FOXK1: variants seen among roughly 807,000 people sequenced by gnomAD.
The protein encoded by FOXK1 is forkhead box protein K1.
In FOXK1, 19 loss-of-function variants were observed where a neutral mutation model predicts 51.9. The observed-to-expected ratio is 0.37, with a 90% CI of 0.26 to 0.54. FOXK1 has a LOEUF of 0.54. Ranked by LOEUF, FOXK1 falls within the 20% of genes least tolerant of loss-of-function variation. FOXK1 has a pLI of 0.87. For missense variants in FOXK1, 870 were observed against 1,032.7 expected (o/e 0.84, Z 2.16); for synonymous variants, 537 against 482.6 (o/e 1.11, Z -1.48).
At chr7:4,697,984 C>G (rs1244376657) in intron 1 of FOXK1, among the ~76,000 whole-genome samples, 2 of 151,980 alleles carry the variant, frequency 1.3e-5, no homozygotes, top group East Asian at 3.9e-4. Flanking sequence ...GCCATCATGC[C>G]TGGCTAATTT....
At position 4,740,487 on chromosome 7, in the gene FOXK1, C is replaced by T. The variant is rs935385855; in HGVS notation, c.561-351C>T. ...TTAGCCGGGCGTGGTGGTGGGCGCT[C>T]GTAATCCCAGCTACTCAGGAGGCTG... is the stretch of plus-strand genomic sequence containing the variant. On this transcript the variant is annotated intron_variant, in intron 1 of 8. Coordinates refer to ENST00000328914, the MANE Select transcript of FOXK1 (RefSeq NM_001037165.2). 3.5e-5 allele frequency among the ~76,000 whole-genome samples: 5 copies of T among 143,678 alleles called. No individual in the cohort carries two copies. The East Asian group carries it at 8.3e-4, about 24-fold the overall frequency. 94.3% of individuals were successfully genotyped at this position (143,678 alleles called of 152,430 possible).
intron 1 of FOXK1, among the ~76,000 whole-genome samples, chr7:4,717,086 C>T (rs1032009193): frequency 1.3e-4 from 17 of 129,426 alleles, no homozygotes; most frequent in Non-Finnish European, 1.8e-4. Context: ...AATGTGGTGG[C>T]GGGAGGCACG....
intron 1 of FOXK1, among the ~76,000 whole-genome samples, chr7:4,708,874 G>C (rs28529269): frequency 0.1 from 15,909 of 152,134 alleles, 1,211 homozygotes; most frequent in African/African-American, 0.22. Context: ...AGACCATCCT[G>C]GTCAACATAG....
chr7:4,739,381 CAGGCTGCTGCTTTACATTGTTTT>C (rs1465626963), intron 1 of FOXK1, among the ~76,000 whole-genome samples: 8 of 152,266 alleles, frequency 5.3e-5, no homozygotes, highest in African/African-American at 1.7e-4. Flanking sequence ...TCTGTGTGGG[CAGGCTGCTGCTTTACATTGTTTT>C]TGTTTTTGTT....
Position 4,764,310 on chromosome 7 carries a change from C to A in FOXK1, c.*1846C>A, listed in dbSNP as rs1386266920. 1 of 154,374 alleles carries A rather than the reference C, an allele frequency of 6.5e-6. No individual in the cohort carries two copies. The highest frequency in any genetic ancestry group is 1.5e-5 in the Non-Finnish European group (1 of 68,226). 9.6% of individuals were successfully genotyped at this position (154,374 alleles called of 1,614,324 possible). A position where few individuals can be genotyped will look rare whatever the true frequency, so the allele number is the denominator to read the frequency against. On this transcript the variant is annotated 3_prime_UTR_variant, in exon 9 of 9. Transcript: ENST00000328914. ...CCCGTGTCCCGTTGTTTTTCTAAGC[C>A]CCCCGAATTGAGTCGTTTCTATGGC...
rs1453463567 is a variant in FOXK1 at position 4,756,579 on chromosome 7, A to C, written c.1051-415A>C. Among the ~76,000 whole-genome samples, 2 of 151,798 alleles carry C rather than the reference A, an allele frequency of 1.3e-5. No homozygotes were observed. Among genetic ancestry groups the C allele is most frequent in the Non-Finnish European group, 2.9e-5 (2 of 67,936 alleles). Reference sequence around the variant, plus strand: ...GGTGGAAGGATTGGTTAAGCCCAAGAGTGTGAGACCCCATCTCAACTAAAA... The same window carrying C: ...GGTGGAAGGATTGGTTAAGCCCAAGCGTGTGAGACCCCATCTCAACTAAAA... On this transcript the variant is annotated intron_variant, in intron 4 of 8. Transcript: ENST00000328914. The surrounding 1 kb of genome is among the most constrained non-coding windows in gnomAD (Gnocchi z 4.1).
intron 1 of FOXK1, among the ~76,000 whole-genome samples, chr7:4,698,795 C>T (rs1290503965): frequency 6.6e-6 from 1 of 152,178 alleles, no homozygotes; most frequent in Non-Finnish European, 1.5e-5. Context: ...CTCAGGTGAT[C>T]CTCCCACCTT....
rs1779776199 is a variant in FOXK1, at chr7:4,683,234, G to A, written c.560+366G>A. Among the ~76,000 whole-genome samples the A allele has an allele frequency of 6.7e-6, 1 of 150,012 alleles. No individual in the cohort carries two copies. The highest frequency in any genetic ancestry group is 2.1e-4 in the South Asian group (1 of 4,706). On this transcript the variant is annotated intron_variant, in intron 1 of 8. Transcript: ENST00000328914. This position sits in a 1 kb window ranked among gnomAD's most constrained non-coding sequence, Gnocchi z 4.5. ...TCATCTCCCACCGGCCTGGGCTCCT[G>A]GAGCCACCCATACCCCAAGCCCATC...
Position 4,731,391 on chromosome 7 carries a change from A to G in FOXK1, c.561-9447A>G, listed in dbSNP as rs971028951. Among the ~76,000 whole-genome samples the G allele has an allele frequency of 6.6e-6, 1 of 152,264 alleles. No individual in the cohort carries two copies. Among genetic ancestry groups the G allele is most frequent in the Admixed American group, 6.5e-5 (1 of 15,288 alleles). On this transcript the variant is annotated intron_variant, in intron 1 of 8. Transcript: ENST00000328914. The surrounding 1 kb of genome is among the most constrained non-coding windows in gnomAD (Gnocchi z 5.3). ...AATTCGAAAAGTACCTGGAGTATGT[A>G]ACAGCTTTTGCCTCCCATTCTTGAG...
At chr7:4,737,493 C>A (rs544110606) in intron 1 of FOXK1, among the ~76,000 whole-genome samples, 1 of 149,634 alleles carries the variant, frequency 6.7e-6, no homozygotes, top group Non-Finnish European at 1.5e-5. Context: ...TGGGCGTGTG[C>A]GTGGGTGTGT....
Position 4,735,019 on chromosome 7 carries a change from A to G in FOXK1, c.561-5819A>G, listed in dbSNP as rs1488978054. Among the ~76,000 whole-genome samples the G allele has an allele frequency of 1.3e-5, 2 of 152,142 alleles. No homozygotes were observed. The highest frequency in any genetic ancestry group is 2.9e-5 in the Non-Finnish European group (2 of 68,026). On this transcript the variant is annotated intron_variant, in intron 1 of 8. Transcript: ENST00000328914. This position sits in a 1 kb window ranked among gnomAD's most constrained non-coding sequence, Gnocchi z 4.7. Reference sequence around the variant, plus strand: ...ATTTATATTTATGTCATCGAGAATTAAGTGAGCTATTTTTATTTTCCTGAC... The same window carrying G: ...ATTTATATTTATGTCATCGAGAATTGAGTGAGCTATTTTTATTTTCCTGAC...
intron 1 of FOXK1, among the ~76,000 whole-genome samples, chr7:4,710,029 C>G (rs1780154990): frequency 6.6e-6 from 1 of 152,348 alleles, no homozygotes; most frequent in Non-Finnish European, 1.5e-5. Context: ...TCAGTTAGTT[C>G]AGCGCCACTT....
Position 4,747,173 on chromosome 7 carries a change from T to A in FOXK1, c.746+6150T>A, listed in dbSNP as rs141376871. ...ATCTCGGAGGGTCCTAGCGCCCGACTTCTCAGGTCAGCCTCGGGTGACAAG... is the reference window on the plus strand; with the variant it reads ...ATCTCGGAGGGTCCTAGCGCCCGACATCTCAGGTCAGCCTCGGGTGACAAG... On this transcript the variant is annotated intron_variant, in intron 2 of 8. Coordinates refer to ENST00000328914, the MANE Select transcript of FOXK1 (RefSeq NM_001037165.2). The surrounding 1 kb of genome is among the most constrained non-coding windows in gnomAD (Gnocchi z 9.2). Among the ~76,000 whole-genome samples, 41 of 152,336 alleles carry A rather than the reference T, an allele frequency of 2.7e-4. No homozygotes were observed. Among genetic ancestry groups the A allele is most frequent in the Non-Finnish European group, 5.3e-4 (36 of 68,026 alleles).
rs756681392 is a variant in FOXK1, at chr7:4,755,072, T to A, written c.904-165T>A. ...ATGAGGCAAAAATGGTTGTTCCTAG[T>A]TGAATGCAAGCACATTAATGGGATA... On this transcript the variant is annotated intron_variant, in intron 3 of 8. Coordinates refer to ENST00000328914, the MANE Select transcript of FOXK1 (RefSeq NM_001037165.2). The surrounding 1 kb of genome is among the most constrained non-coding windows in gnomAD (Gnocchi z 6.6). 3 of 802,318 alleles carry A rather than the reference T, an allele frequency of 3.7e-6. No individual in the cohort carries two copies. The highest frequency in any genetic ancestry group is 5.7e-6 in the Non-Finnish European group (3 of 529,534). 49.7% of individuals were successfully genotyped at this position (802,318 alleles called of 1,614,324 possible).
chr7:4,712,177 C>T (rs1013113522), intron 1 of FOXK1, among the ~76,000 whole-genome samples: 9 of 152,004 alleles, frequency 5.9e-5, no homozygotes, highest in African/African-American at 2.2e-4. Context: ...TTCCCTTCCC[C>T]GATGGTCGCC....
rs146788985 is a variant in FOXK1, at chr7:4,743,405, C to T, written c.746+2382C>T. ...TCTCTACTAAAAATACAAAAATCAGCCAGGCATGGTGCCATATGTCTGTAA... is the reference window on the plus strand; with the variant it reads ...TCTCTACTAAAAATACAAAAATCAGTCAGGCATGGTGCCATATGTCTGTAA... On this transcript the variant is annotated intron_variant, in intron 2 of 8. Transcript: ENST00000328914. The surrounding 1 kb of genome is among the most constrained non-coding windows in gnomAD (Gnocchi z 5.3). 6.6e-6 allele frequency among the ~76,000 whole-genome samples: 1 copy of T among 152,084 alleles called. No individual in the cohort carries two copies. The highest frequency in any genetic ancestry group is 6.6e-5 in the Admixed American group (1 of 15,264).
At chr7:4,705,574 G>A (rs765865625) in intron 1 of FOXK1, among the ~76,000 whole-genome samples, 2 of 110,570 alleles carry the variant, frequency 1.8e-5, no homozygotes, top group Non-Finnish European at 3.5e-5. Flanking sequence ...TCGCTCTCTC[G>A]TCGCCAGGCT....
Position 4,745,406 on chromosome 7 carries a change from T to C in FOXK1, c.746+4383T>C, listed in dbSNP as rs1270195733. The stretch of plus-strand genomic sequence containing the variant: ...CCCCGCGCCACCCTGCGTCCTTCCT[T>C]TCCGTTTCTCGCAGGCCCTCGCTCC... On this transcript the variant is annotated intron_variant, in intron 2 of 8. Coordinates refer to ENST00000328914, the MANE Select transcript of FOXK1 (RefSeq NM_001037165.2). The surrounding 1 kb of genome is among the most constrained non-coding windows in gnomAD (Gnocchi z 4.3). Among the ~76,000 whole-genome samples, 1 of 152,028 alleles carries C rather than the reference T, an allele frequency of 6.6e-6. No individual in the cohort carries two copies. Among genetic ancestry groups the C allele is most frequent in the Non-Finnish European group, 1.5e-5 (1 of 68,002 alleles).
intron 1 of FOXK1, among the ~76,000 whole-genome samples, chr7:4,727,749 C>T (rs905378430): frequency 5.3e-5 from 8 of 152,264 alleles, no homozygotes; most frequent in African/African-American, 1.7e-4. Context: ...CATCAGAGTG[C>T]TCTCTCCTGG....
Sources: allele counts gnomAD v4.1 joint callset (sites outside exome capture counted in the v4.1 genomes callset), GRCh38; gene constraint gnomAD v4.1.1; non-coding constraint Gnocchi (gnomAD v3.1); transcripts MANE v1.5; gene names NCBI Gene and HGNC (gene_info 2026-07-23, HGNC 2026-07-21).